Variants in FSTL4 observed in about 807,000 individuals in gnomAD.
FSTL4 encodes follistatin like 4, also known as follistatin-related protein 4.
A neutral mutation model predicts 78.2 loss-of-function variants in FSTL4; 28 were observed. The ratio of observed to expected loss-of-function variants is 0.36; its 90% CI spans 0.27 to 0.49. The LOEUF is 0.49. Among genes scored for constraint, FSTL4 ranks in the 20% least tolerant of loss-of-function variants. FSTL4 has a pLI of 0.98. For missense variants in FSTL4, 922 were observed against 1,084.9 expected (o/e 0.85, Z 2.11); for synonymous variants, 422 against 440.5 (o/e 0.96, Z 0.53).
the FSTL4 span, among the ~76,000 whole-genome samples, chr5:133,760,161 T>A: frequency 6.6e-6 from 1 of 152,202 alleles, no homozygotes; most frequent in African/African-American, 2.4e-5. Flanking sequence ...CAAAGAGGCA[T>A]CAGGCCCTTT....
intron 6 of FSTL4, among the ~76,000 whole-genome samples, chr5:133,295,450 C>T (rs868268513): frequency 6.6e-6 from 1 of 152,196 alleles, no homozygotes; most frequent in Admixed American, 6.5e-5. Flanking sequence ...CGGTTGCTCA[C>T]GTGTGTTTGC....
At chr5:133,459,701 G>A (rs1757556295) in intron 3 of FSTL4, among the ~76,000 whole-genome samples, 1 of 152,138 alleles carries the variant, frequency 6.6e-6, no homozygotes, top group Non-Finnish European at 1.5e-5. Flanking sequence ...AGAGGCTGTG[G>A]GGGCCAAGGC....
the FSTL4 span, among the ~76,000 whole-genome samples, chr5:133,666,341 C>A: frequency 6.6e-6 from 1 of 151,996 alleles, no homozygotes; most frequent in Non-Finnish European, 1.5e-5. Context: ...TATTTGGAAG[C>A]CTTGAAAATA....
the FSTL4 span, among the ~76,000 whole-genome samples, chr5:133,717,619 G>C: frequency 6.6e-6 from 1 of 152,160 alleles, no homozygotes; most frequent in East Asian, 1.9e-4. Context: ...TCTGCTTTCT[G>C]TGGCCATAGA....
chr5:133,702,056 C>G, the FSTL4 span, among the ~76,000 whole-genome samples: 1 of 152,196 alleles, frequency 6.6e-6, no homozygotes, highest in Non-Finnish European at 1.5e-5. Flanking sequence ...TTCTCTCCAG[C>G]TTTTGTACAG....
At chr5:133,617,195 A>C (rs1459522168), upstream of FSTL4, among the ~76,000 whole-genome samples, 3 of 148,844 alleles carry the variant, frequency 2.0e-5, no homozygotes, top group Non-Finnish European at 3.0e-5. Flanking sequence ...GCTACTCAGG[A>C]GGCTGAGGCA....
chr5:133,289,023 C>T (rs549584229), intron 6 of FSTL4, among the ~76,000 whole-genome samples: 1 of 152,164 alleles, frequency 6.6e-6, no homozygotes, highest in Non-Finnish European at 1.5e-5. Flanking sequence ...GGAGGAGGCC[C>T]TTGGGCAAGG....
chr5:133,836,401 T>C, the FSTL4 span, among the ~76,000 whole-genome samples: 1 of 152,218 alleles, frequency 6.6e-6, no homozygotes, highest in South Asian at 2.1e-4. Flanking sequence ...TATTTTGTAC[T>C]ACTTCTTGGA....
the FSTL4 span, among the ~76,000 whole-genome samples, chr5:133,631,305 A>G: frequency 4.6e-5 from 7 of 151,890 alleles, no homozygotes; most frequent in African/African-American, 1.4e-4. Flanking sequence ...TTTACAAGAA[A>G]AAAAAAAACA....
At chr5:133,625,694 G>A in the FSTL4 span, among the ~76,000 whole-genome samples, 1 of 108,732 alleles carries the variant, frequency 9.2e-6, no homozygotes, top group Non-Finnish European at 1.9e-5. Context: ...AAGCTCTTGA[G>A]GTGTGAGCTA....
chr5:133,616,313 C>CTATCTATCTATA (rs1561488139), upstream of FSTL4, among the ~76,000 whole-genome samples: 1 of 143,070 alleles, frequency 7.0e-6, no homozygotes, highest in African/African-American at 2.6e-5. Flanking sequence ...AAATCTAAAT[C>CTATCTATCTATA]TATCTATCTA....
chr5:133,391,956 G>A (rs1306265150), intron 4 of FSTL4, among the ~76,000 whole-genome samples: 1 of 152,212 alleles, frequency 6.6e-6, no homozygotes, highest in Non-Finnish European at 1.5e-5. Flanking sequence ...ACTGGGCTCT[G>A]TTTTGTTCCC....
At chr5:133,444,082 C>T (rs748019437) in intron 3 of FSTL4, among the ~76,000 whole-genome samples, 5 of 152,170 alleles carry the variant, frequency 3.3e-5, no homozygotes, top group Non-Finnish European at 7.3e-5. Context: ...GTAGGAGCCA[C>T]GTCTGGATTG....
chr5:133,579,183 C>T (rs1399295977), intron 2 of FSTL4, among the ~76,000 whole-genome samples: 1 of 152,206 alleles, frequency 6.6e-6, no homozygotes, highest in Non-Finnish European at 1.5e-5. Flanking sequence ...CCCCAGGGTC[C>T]ACGTCTCCTT....
At chr5:133,400,044 A>G (rs1756178925) in intron 4 of FSTL4, among the ~76,000 whole-genome samples, 1 of 152,264 alleles carries the variant, frequency 6.6e-6, no homozygotes, top group African/African-American at 2.4e-5. Flanking sequence ...TGCAGGGCAC[A>G]GTGCTAGGTG....
Position 133,310,488 on chromosome 5 carries a change from T to G in FSTL4, c.727+2166A>C, listed in dbSNP as rs190524779. 1.6e-3 allele frequency among the ~76,000 whole-genome samples: 244 copies of G among 152,262 alleles called. 1 individual carries two copies. Among genetic ancestry groups the G allele is most frequent in the Middle Eastern group, 6.8e-3 (2 of 294 alleles). On this transcript the variant is annotated intron_variant, in intron 6 of 15. Coordinates refer to ENST00000265342, the MANE Select transcript of FSTL4 (RefSeq NM_015082.2). ...AGGCCTTCTCTTTCATCATAGGCAA[T>G]AGGGATGCTTCCATTTCCTTGAGAG...
chr5:133,753,073 T>C, the FSTL4 span, among the ~76,000 whole-genome samples: 1 of 152,116 alleles, frequency 6.6e-6, no homozygotes, highest in Non-Finnish European at 1.5e-5. Flanking sequence ...CCTTATATAA[T>C]CAGAAAATGT....
chr5:133,409,301 C>T (rs2126978414), intron 3 of FSTL4, among the ~76,000 whole-genome samples: 1 of 152,318 alleles, frequency 6.6e-6, no homozygotes, highest in South Asian at 2.1e-4. Flanking sequence ...GTTTCAAAGG[C>T]ATCCCCTGAC....
intron 4 of FSTL4, among the ~76,000 whole-genome samples, chr5:133,376,492 C>T (rs958411120): frequency 6.6e-6 from 1 of 152,084 alleles, no homozygotes; most frequent in Non-Finnish European, 1.5e-5. Flanking sequence ...ACTCTGTAGA[C>T]ATGCTCTTCA....
Sources: gnomAD v4.1 joint callset for allele counts (sites outside exome capture counted in the v4.1 genomes callset) on GRCh38, gnomAD v4.1.1 for gene constraint, MANE v1.5 for transcripts, NCBI Gene and HGNC (gene_info 2026-07-23, HGNC 2026-07-21) for gene names.